Variants in HMGN4 observed in about 807,000 individuals in gnomAD.
HMGN4 encodes high mobility group nucleosome-binding domain-containing protein 4.
For missense variants in HMGN4, 69 were observed against 104.9 expected, an observed-to-expected ratio of 0.66 and a Z score of 1.49; for synonymous variants, 39 against 39.1, an observed-to-expected ratio of 1.00 and a Z score of 0.01.
chr6:26,541,108 G>C (rs576424723), intron 1 of HMGN4, among the ~76,000 whole-genome samples: 5 of 151,930 alleles, frequency 3.3e-5, no homozygotes, highest in Non-Finnish European at 7.4e-5. Context: ...GTGCAGTGGC[G>C]CAATCTCGGC....
In HMGN4 at chr6:26,545,557, A is replaced by C. The variant is rs1380566397; in HGVS notation, c.*78A>C. On this transcript the variant is annotated 3_prime_UTR_variant, in exon 2 of 2. Coordinates refer to ENST00000377575, the MANE Select transcript of HMGN4 (RefSeq NM_006353.3). The stretch of plus-strand genomic sequence containing the variant: ...CTATTTTTTTAAATCAAGTTTTATA[A>C]AAGTGTAGAATTTTGGCTTTTTTAA... 7.1e-7 allele frequency: 1 copy of C among 1,411,848 alleles called. No individual in the cohort carries two copies. Among genetic ancestry groups the C allele is most frequent in the Non-Finnish European group, 9.4e-7 (1 of 1,060,032 alleles). 87.5% of individuals were successfully genotyped at this position (1,411,848 alleles called of 1,614,324 possible).
At position 26,545,788 on chromosome 6, in the gene HMGN4, T is replaced by G; in HGVS notation, c.*309T>G. 5.4e-6 allele frequency: 1 copy of G among 186,282 alleles called. No homozygotes were observed. The allele number at this position is 186,282 out of a possible 1,614,324, so 11.5% of individuals were successfully genotyped here. A position where few individuals can be genotyped will look rare whatever the true frequency, so the allele number is the denominator to read the frequency against. ...GTCAGCCACTTTGGCACGGAAGCCT[T>G]ACAGTGTGGGGAACCAAAACTTCGT... On this transcript the variant is annotated 3_prime_UTR_variant, in exon 2 of 2. Coordinates refer to ENST00000377575, the MANE Select transcript of HMGN4 (RefSeq NM_006353.3).
At chr6:26,540,055 G>C (rs1329827142) in intron 1 of HMGN4, 2 of 152,222 alleles carry the variant, frequency 1.3e-5, no homozygotes, top group Non-Finnish European at 2.9e-5. Context: ...AACCTTTACA[G>C]ATGGGTGACT....
chr6:26,545,611 C>T lies in HMGN4; in HGVS notation c.*132C>T. 1.5e-6 allele frequency: 1 copy of T among 687,350 alleles called. No individual in the cohort carries two copies. The highest frequency in any genetic ancestry group is 2.2e-6 in the Non-Finnish European group (1 of 448,834). The allele number at this position is 687,350 out of a possible 1,614,324, so 42.6% of individuals were successfully genotyped here. A position where few individuals can be genotyped will look rare whatever the true frequency, so the allele number is the denominator to read the frequency against. ...ATGTTGTTAGCACACAGGACACTTCCTTGTTGTCTTTTGTGGAAAGGGCAA... is the reference window on the plus strand; with the variant it reads ...ATGTTGTTAGCACACAGGACACTTCTTTGTTGTCTTTTGTGGAAAGGGCAA... On this transcript the variant is annotated 3_prime_UTR_variant, in exon 2 of 2. Coordinates refer to ENST00000377575, the MANE Select transcript of HMGN4 (RefSeq NM_006353.3).
intron 1 of HMGN4, among the ~76,000 whole-genome samples, chr6:26,543,421 CTTT>C (rs70977285): frequency 5.0e-5 from 4 of 80,136 alleles, no homozygotes; most frequent in South Asian, 6.2e-4. Context: ...GCACCATTAC[CTTT>C]TTTTTTTTTT....
Position 26,545,314 on chromosome 6 carries a change from A to T in HMGN4, c.108A>T (p.Lys36Asn). ...ARLSAKPAPP[K>N]PEPRPKKASA... ...TGTCTGCTAAACCAGCTCCTCCAAA[A>T]CCAGAGCCCAGGCCTAAAAAGGCCT... The change falls in exon 2 of 2, where the codon AAA becomes AAT. Residue 36 changes from lysine to asparagine, a missense_variant. By Grantham distance (94) the Lys-to-Asn change is moderately conservative. Transcript: ENST00000377575. The T allele has an allele frequency of 6.2e-7, 1 of 1,614,134 alleles. No individual in the cohort carries two copies. Among genetic ancestry groups the T allele is most frequent in the Non-Finnish European group, 8.5e-7 (1 of 1,180,032 alleles).
At chr6:26,538,609 T>C (rs941856274) in intron 1 of HMGN4, 108 bp downstream of exon 1, 72 of 153,372 alleles carry the variant, frequency 4.7e-4, no homozygotes, top group African/African-American at 1.7e-3. Flanking sequence ...CTGGCCCCGG[T>C]CATGATTAGG....
rs1308708094 is a variant in HMGN4 at position 26,542,587 on chromosome 6, C to A, written c.-80-2540C>A. ...TGGTGAGAGCTCCTTCCTTTTCCAA[C>A]CTCCTTGTCCTTTATGGAAATGGTA... On this transcript the variant is annotated intron_variant, in intron 1 of 1. Transcript: ENST00000377575. The surrounding 1 kb of genome is among the most constrained non-coding windows in gnomAD (Gnocchi z 4.6). Among the ~76,000 whole-genome samples the A allele has an allele frequency of 6.6e-6, 1 of 152,174 alleles. No homozygotes were observed. The highest frequency in any genetic ancestry group is 6.5e-5 in the Admixed American group (1 of 15,276).
chr6:26,542,336 CA>C lies in HMGN4; in HGVS notation c.-80-2790del, dbSNP rs1561895120. On this transcript the variant is annotated intron_variant, in intron 1 of 1. Coordinates refer to ENST00000377575, the MANE Select transcript of HMGN4 (RefSeq NM_006353.3). This position sits in a 1 kb window ranked among gnomAD's most constrained non-coding sequence, Gnocchi z 4.6. ...ATTAACAACTTACACTGGTGTGGTA[CA>C]TTTGTTACAAATGATGAACTAATAT... 6.6e-6 allele frequency among the ~76,000 whole-genome samples: 1 copy of C among 152,146 alleles called. No individual in the cohort carries two copies. Among genetic ancestry groups the C allele is most frequent in the Admixed American group, 6.5e-5 (1 of 15,274 alleles).
chr6:26,540,483 T>G (rs1764276270), intron 1 of HMGN4, among the ~76,000 whole-genome samples: 1 of 152,016 alleles, frequency 6.6e-6, no homozygotes, highest in South Asian at 2.1e-4. Context: ...TATAGGCATA[T>G]GCCACCACAC....
rs114496022 is a variant in HMGN4 at position 26,542,924 on chromosome 6, C to T, written c.-80-2203C>T. 4.4e-3 allele frequency among the ~76,000 whole-genome samples: 671 copies of T among 152,230 alleles called. 3 individuals carry two copies. Among genetic ancestry groups the T allele is most frequent in the African/African-American group, 0.015 (620 of 41,534 alleles). ...CAGGAAAAGAGACTGTGTGAGCATT[C>T]TCACACCAGGAAATGGGCTGAGAAA... On this transcript the variant is annotated intron_variant, in intron 1 of 1. Transcript: ENST00000377575. The surrounding 1 kb of genome is among the most constrained non-coding windows in gnomAD (Gnocchi z 4.6).
At position 26,542,446 on chromosome 6, in the gene HMGN4, T is replaced by C. The variant is rs949320283; in HGVS notation, c.-80-2681T>C. 6.6e-6 allele frequency among the ~76,000 whole-genome samples: 1 copy of C among 152,222 alleles called. No homozygotes were observed. The highest frequency in any genetic ancestry group is 2.4e-5 in the African/African-American group (1 of 41,456). ...AGTTCTGTGGGTTTTGTCAAGTGCATAACATCTACCATTTTATAATATATG... is the reference window on the plus strand; with the variant it reads ...AGTTCTGTGGGTTTTGTCAAGTGCACAACATCTACCATTTTATAATATATG... On this transcript the variant is annotated intron_variant, in intron 1 of 1. Coordinates refer to ENST00000377575, the MANE Select transcript of HMGN4 (RefSeq NM_006353.3). The surrounding 1 kb of genome is among the most constrained non-coding windows in gnomAD (Gnocchi z 4.6).
At chr6:26,541,695 A>G (rs912636368) in intron 1 of HMGN4, among the ~76,000 whole-genome samples, 7 of 152,164 alleles carry the variant, frequency 4.6e-5, no homozygotes, top group African/African-American at 1.7e-4. Context: ...TTTAAACATC[A>G]TGATCTTCTT....
rs1429462912 is a variant in HMGN4 at position 26,542,308 on chromosome 6, G to C, written c.-80-2819G>C. Among the ~76,000 whole-genome samples the C allele has an allele frequency of 1.3e-5, 2 of 151,916 alleles. No homozygotes were observed. Among genetic ancestry groups the C allele is most frequent in the African/African-American group, 4.8e-5 (2 of 41,306 alleles). ...TTTCCCCCACCTCAGTTTCTCCTAA[G>C]TTATTAACAACTTACACTGGTGTGG... On this transcript the variant is annotated intron_variant, in intron 1 of 1. Coordinates refer to ENST00000377575, the MANE Select transcript of HMGN4 (RefSeq NM_006353.3). This position sits in a 1 kb window ranked among gnomAD's most constrained non-coding sequence, Gnocchi z 4.6.
rs1764347370 is a variant in HMGN4 at position 26,546,095 on chromosome 6, G to T, written c.*616G>T. The T allele has an allele frequency of 6.0e-6, 1 of 167,054 alleles. No homozygotes were observed. Among genetic ancestry groups the T allele is most frequent in the South Asian group, 2.1e-4 (1 of 4,828 alleles). The allele number at this position is 167,054 out of a possible 1,614,324, so 10.3% of individuals were successfully genotyped here. A position where few individuals can be genotyped will look rare whatever the true frequency, so the allele number is the denominator to read the frequency against. ...TCCACCCTCTCTGAAAATCTTTCTTGTTCAAAACAGCAACGACATATCTTG... is the reference window on the plus strand; with the variant it reads ...TCCACCCTCTCTGAAAATCTTTCTTTTTCAAAACAGCAACGACATATCTTG... On this transcript the variant is annotated 3_prime_UTR_variant, in exon 2 of 2. Transcript: ENST00000377575.
chr6:26,540,548 G>A (rs781291384), intron 1 of HMGN4, among the ~76,000 whole-genome samples: 3 of 152,124 alleles, frequency 2.0e-5, no homozygotes, highest in Non-Finnish European at 2.9e-5. Flanking sequence ...TGGCCAGGCT[G>A]GTCTTGAACT....
intron 1 of HMGN4, among the ~76,000 whole-genome samples, chr6:26,539,592 A>G (rs1764262363): frequency 6.6e-6 from 1 of 150,562 alleles, no homozygotes. Context: ...TTTTATGACC[A>G]TGAGAAAAGA....
chr6:26,545,415 C>CA lies in HMGN4; in HGVS notation c.215dup (p.Asn72LysfsTer31), dbSNP rs961209922. ...GCTGGAAAGGATGGGAACAACCCTG[C>CA]AAAAAACCGAGATGCCTCTACACTC... On this transcript the variant is annotated frameshift_variant, in exon 2 of 2. Transcript: ENST00000377575. LOFTEE classifies it low-confidence loss of function (END_TRUNC). 14 of 1,606,820 alleles carry CA rather than the reference C, an allele frequency of 8.7e-6. No homozygotes were observed. Among genetic ancestry groups the CA allele is most frequent in the Non-Finnish European group, 1.2e-5 (14 of 1,177,830 alleles).
At chr6:26,540,222 A>C (rs1278852971) in intron 1 of HMGN4, among the ~76,000 whole-genome samples, 7 of 152,078 alleles carry the variant, frequency 4.6e-5, no homozygotes, top group African/African-American at 1.7e-4. Context: ...GTGGAAACTC[A>C]TGCTGCGTCT....
Sources: allele counts gnomAD v4.1 joint callset (sites outside exome capture counted in the v4.1 genomes callset), GRCh38; gene constraint gnomAD v4.1.1; non-coding constraint Gnocchi (gnomAD v3.1); transcripts MANE v1.5; gene names NCBI Gene and HGNC (gene_info 2026-07-23, HGNC 2026-07-21).